The following KIRREL3 variants were observed in gnomAD, a reference collection of about 807,000 sequenced individuals.
KIRREL3 encodes kin of IRRE-like protein 3.
In KIRREL3, 36 loss-of-function variants were observed where a neutral mutation model predicts 89.7. That is an observed-to-expected ratio of 0.40 (90% CI 0.31 to 0.53). KIRREL3 has a LOEUF of 0.53. Among genes scored for constraint, KIRREL3 ranks in the 20% least tolerant of loss-of-function variants. KIRREL3 has a pLI of 0.49. For missense variants in KIRREL3, 864 were observed against 1,056.6 expected (o/e 0.82, Z 2.53); for synonymous variants, 445 against 441.4 (o/e 1.01, Z -0.10).
intron 1 of KIRREL3, among the ~76,000 whole-genome samples, chr11:126,749,781 C>T (rs750263973): frequency 1.4e-4 from 22 of 152,246 alleles, no homozygotes; most frequent in Non-Finnish European, 2.4e-4. Context: ...TTTTCATAAC[C>T]GGACCCTCAA....
intron 1 of KIRREL3, among the ~76,000 whole-genome samples, chr11:126,956,349 C>T (rs1363110449): frequency 6.6e-6 from 1 of 152,170 alleles, no homozygotes; most frequent in Non-Finnish European, 1.5e-5. Context: ...AATCTGATGT[C>T]AGAGTCATTC....
At position 126,462,545 on chromosome 11, in the gene KIRREL3, A is replaced by G. The variant is rs1202456884; in HGVS notation, c.742+612T>C. 6.6e-6 allele frequency among the ~76,000 whole-genome samples: 1 copy of G among 152,192 alleles called. No individual in the cohort carries two copies. Among genetic ancestry groups the G allele is most frequent in the Non-Finnish European group, 1.5e-5 (1 of 68,036 alleles). On this transcript the variant is annotated intron_variant, in intron 6 of 16. Coordinates refer to ENST00000525144, the MANE Select transcript of KIRREL3 (RefSeq NM_032531.4). This position sits in a 1 kb window ranked among gnomAD's most constrained non-coding sequence, Gnocchi z 4.8. ...CTGGGTGTAGTGATGGATGCCTGTC[A>G]TCCCAGCTACTCAGGCAGGCTAAGA... is the stretch of plus-strand genomic sequence containing the variant.
chr11:126,966,198 G>C (rs2135197393), intron 1 of KIRREL3, among the ~76,000 whole-genome samples: 1 of 152,278 alleles, frequency 6.6e-6, no homozygotes, highest in South Asian at 2.1e-4. Context: ...ATCTGATACT[G>C]TTACAAACGG....
At chr11:126,646,743 G>C (rs1944703071) in intron 1 of KIRREL3, among the ~76,000 whole-genome samples, 1 of 152,082 alleles carries the variant, frequency 6.6e-6, no homozygotes, top group Non-Finnish European at 1.5e-5. Flanking sequence ...CCAAAGTGCT[G>C]GGATTACAGG....
At chr11:126,735,421 A>G (rs757406645) in intron 1 of KIRREL3, among the ~76,000 whole-genome samples, 1 of 152,126 alleles carries the variant, frequency 6.6e-6, no homozygotes, top group African/African-American at 2.4e-5. Context: ...CACCGGCCCC[A>G]TTTCCCACCT....
chr11:126,921,602 CTAT>C (rs1311087956), intron 1 of KIRREL3, among the ~76,000 whole-genome samples: 749 of 46,684 alleles, frequency 0.016, 69 homozygotes, highest in African/African-American at 0.025. Flanking sequence ...ATCTATCTAT[CTAT>C]CTATCTATCT....
chr11:126,616,040 A>G (rs1162827699), intron 1 of KIRREL3, among the ~76,000 whole-genome samples: 1 of 152,208 alleles, frequency 6.6e-6, no homozygotes, highest in East Asian at 1.9e-4. Flanking sequence ...TTCACTTCAC[A>G]TAGACACAGT....
intron 8 of KIRREL3, among the ~76,000 whole-genome samples, chr11:126,447,144 G>A (rs760827095): frequency 5.9e-5 from 9 of 152,246 alleles, no homozygotes; most frequent in Non-Finnish European, 7.3e-5. Flanking sequence ...GGTCGGCAGC[G>A]TGGGGCCTGG....
At chr11:126,478,671 ATGTG>A (rs1232410779) in intron 4 of KIRREL3, among the ~76,000 whole-genome samples, 6 of 151,748 alleles carry the variant, frequency 4.0e-5, no homozygotes, top group African/African-American at 4.9e-5. Flanking sequence ...GTATATATGT[ATGTG>A]TATGTATGTG....
At chr11:126,901,531 A>G (rs1946371037) in intron 1 of KIRREL3, among the ~76,000 whole-genome samples, 1 of 152,172 alleles carries the variant, frequency 6.6e-6, no homozygotes, top group African/African-American at 2.4e-5. Flanking sequence ...GTGAGCAACG[A>G]TGGAGGATAC....
intron 4 of KIRREL3, among the ~76,000 whole-genome samples, chr11:126,481,022 AT>A (rs1341753974): frequency 6.6e-6 from 1 of 152,202 alleles, no homozygotes; most frequent in Non-Finnish European, 1.5e-5. Flanking sequence ...GTTTGGAGAA[AT>A]TCGTATTGAG....
chr11:126,979,052 G>A (rs797007802), intron 1 of KIRREL3, among the ~76,000 whole-genome samples: 7 of 152,238 alleles, frequency 4.6e-5, no homozygotes, highest in African/African-American at 1.7e-4. Flanking sequence ...AGTGAAAAGC[G>A]CAAACTCTCA....
At chr11:126,895,869 C>T (rs978695327) in intron 1 of KIRREL3, among the ~76,000 whole-genome samples, 2 of 152,184 alleles carry the variant, frequency 1.3e-5, no homozygotes, top group African/African-American at 4.8e-5. Flanking sequence ...TAGGTGGCTG[C>T]CTCAGACCCT....
At chr11:126,762,464 A>G in intron 1 of KIRREL3, among the ~76,000 whole-genome samples, 1 of 152,222 alleles carries the variant, frequency 6.6e-6, no homozygotes, top group Non-Finnish European at 1.5e-5. Context: ...CTGCTCAGAA[A>G]AGGCACTTCA....
rs554728216 is a variant in KIRREL3, at chr11:126,462,877, A to G, written c.742+280T>C. Among the ~76,000 whole-genome samples the G allele has an allele frequency of 6.6e-6, 1 of 152,318 alleles. No homozygotes were observed. The highest frequency in any genetic ancestry group is 1.5e-5 in the Non-Finnish European group (1 of 68,030). The stretch of plus-strand genomic sequence containing the variant: ...GGCCACCGGCTAGGCCAGCAGAGGC[A>G]GCAGCTGACCGTATTTATTGGTGTG... On this transcript the variant is annotated intron_variant, in intron 6 of 16. Transcript: ENST00000525144. The surrounding 1 kb of genome is among the most constrained non-coding windows in gnomAD (Gnocchi z 4.8).
Position 126,536,283 on chromosome 11 carries a change from GTA to G in KIRREL3, c.134-9598_134-9597del, listed in dbSNP as rs201319506. Among the ~76,000 whole-genome samples the G allele has an allele frequency of 6.9e-3, 1,037 of 149,646 alleles. 6 individuals carry two copies. Among genetic ancestry groups the G allele is most frequent in the African/African-American group, 0.024 (974 of 40,404 alleles). On this transcript the variant is annotated intron_variant, in intron 2 of 16. Transcript: ENST00000525144. ...TGTGTGTCTGTGTGTGTGTGTGTGT[GTA>G]TCGGATAGGAAGGTGGCCCAGTATC...
rs1169426645 is a variant in KIRREL3, at chr11:126,991,923, T to C, written c.55+8532A>G. ...AAGTGAACCAGACTGAAAATGACTT[T>C]AGTCAAGCAAAGTAACCTCTCTGGG... is the stretch of plus-strand genomic sequence containing the variant. On this transcript the variant is annotated intron_variant, in intron 1 of 16. Transcript: ENST00000525144. The surrounding 1 kb of genome is among the most constrained non-coding windows in gnomAD (Gnocchi z 5.8). Among the ~76,000 whole-genome samples, 1 of 152,216 alleles carries C rather than the reference T, an allele frequency of 6.6e-6. No homozygotes were observed. Among genetic ancestry groups the C allele is most frequent in the African/African-American group, 2.4e-5 (1 of 41,460 alleles).
chr11:126,849,651 T>C (rs1030703317), intron 1 of KIRREL3, among the ~76,000 whole-genome samples: 15 of 152,168 alleles, frequency 9.9e-5, no homozygotes, highest in African/African-American at 3.6e-4. Context: ...CAGAGATGTC[T>C]AGTCACAGAC....
At chr11:126,672,769 G>A (rs1231029372) in intron 1 of KIRREL3, among the ~76,000 whole-genome samples, 1 of 152,168 alleles carries the variant, frequency 6.6e-6, no homozygotes, top group Non-Finnish European at 1.5e-5. Flanking sequence ...TCAGGTACGT[G>A]TTACAGTGTC....
Sources: gnomAD v4.1 joint callset for allele counts (sites outside exome capture counted in the v4.1 genomes callset) on GRCh38, gnomAD v4.1.1 for gene constraint, Gnocchi (gnomAD v3.1) non-coding constraint, MANE v1.5 for transcripts, NCBI Gene and HGNC (gene_info 2026-07-23, HGNC 2026-07-21) for gene names.